Variants in FHIT observed in about 807,000 individuals in gnomAD.
The protein encoded by FHIT is fragile histidine triad diadenosine triphosphatase.
In FHIT, 19 loss-of-function variants were observed where a neutral mutation model predicts 17.9. That is an observed-to-expected ratio of 1.06 (90% CI 0.74 to 1.56). The LOEUF (loss-of-function observed/expected upper bound fraction) is 1.56. Among genes scored for constraint, FHIT ranks in the 40% most tolerant of loss-of-function variants. The pLI is 0.00. For missense variants in FHIT, 248 were observed against 189.2 expected (o/e 1.31, Z -1.82); for synonymous variants, 81 against 69.7 (o/e 1.16, Z -0.81).
intron 2 of FHIT, among the ~76,000 whole-genome samples, chr3:61,195,798 A>G (rs1362860804): frequency 2.0e-5 from 3 of 152,174 alleles, no homozygotes; most frequent in African/African-American, 7.2e-5. Flanking sequence ...TTAAGTCTCA[A>G]TTTCTACAAC....
chr3:60,424,737 A>C (rs1702601282), intron 5 of FHIT, among the ~76,000 whole-genome samples: 1 of 152,164 alleles, frequency 6.6e-6, no homozygotes, highest in African/African-American at 2.4e-5. Context: ...AAGTGCTTTG[A>C]AGAAGAACAT....
chr3:60,538,983 C>G (rs2036086139), intron 4 of FHIT, among the ~76,000 whole-genome samples: 1 of 152,050 alleles, frequency 6.6e-6, no homozygotes, highest in African/African-American at 2.4e-5. Context: ...GCAAAAGAAT[C>G]TACCATCAGA....
chr3:60,323,291 A>C (rs1709517613), intron 5 of FHIT, among the ~76,000 whole-genome samples: 1 of 152,122 alleles, frequency 6.6e-6, no homozygotes. Context: ...TAAGTGCTTG[A>C]CTAAATTTTC....
chr3:59,960,848 T>C (rs1189116347), intron 7 of FHIT, among the ~76,000 whole-genome samples: 2 of 152,152 alleles, frequency 1.3e-5, no homozygotes, highest in East Asian at 1.9e-4. Flanking sequence ...CCAACTTTTG[T>C]AGAATGAGGA....
At chr3:60,894,848 C>T (rs1375402051) in intron 3 of FHIT, among the ~76,000 whole-genome samples, 10 of 152,112 alleles carry the variant, frequency 6.6e-5, no homozygotes, top group African/African-American at 2.4e-4. Flanking sequence ...TCCTCTGCTC[C>T]CCTTCCCTCA....
At chr3:61,234,174 G>A (rs2040171951) in intron 1 of FHIT, among the ~76,000 whole-genome samples, 1 of 152,128 alleles carries the variant, frequency 6.6e-6, no homozygotes. Context: ...CCCAGGAGAA[G>A]CTGTTAGTGA....
intron 2 of FHIT, among the ~76,000 whole-genome samples, chr3:61,118,661 T>C (rs1345168735): frequency 1.3e-5 from 2 of 152,176 alleles, no homozygotes; most frequent in Non-Finnish European, 2.9e-5. Flanking sequence ...TTTGTAACTT[T>C]GAGCATGTAA....
intron 3 of FHIT, among the ~76,000 whole-genome samples, chr3:60,934,534 C>T (rs1402802364): frequency 6.6e-6 from 1 of 152,168 alleles, no homozygotes; most frequent in African/African-American, 2.4e-5. Flanking sequence ...GCAAGGATGA[C>T]AGTTACAGTG....
At chr3:60,378,013 T>A (rs1156970678) in intron 5 of FHIT, among the ~76,000 whole-genome samples, 1 of 152,008 alleles carries the variant, frequency 6.6e-6, no homozygotes, top group Admixed American at 6.5e-5. Context: ...TGTGAGAGAC[T>A]ATTATTTTGT....
intron 4 of FHIT, among the ~76,000 whole-genome samples, chr3:60,598,615 G>A (rs2038345217): frequency 6.6e-6 from 1 of 152,134 alleles, no homozygotes; most frequent in Non-Finnish European, 1.5e-5. Context: ...CTGCTAGCAA[G>A]TAATAAAGAT....
chr3:60,601,650 C>A (rs1165616811), intron 4 of FHIT, among the ~76,000 whole-genome samples: 1 of 152,024 alleles, frequency 6.6e-6, no homozygotes, highest in Non-Finnish European at 1.5e-5. Context: ...AACTTACTAC[C>A]TGAATGAGGA....
rs1331446482 is a variant in FHIT at position 60,280,562 on chromosome 3, ACT to A, written c.103+256296_103+256297del. Among the ~76,000 whole-genome samples, 5 of 152,264 alleles carry A rather than the reference ACT, an allele frequency of 3.3e-5. No homozygotes were observed. In the East Asian group the frequency reaches 7.7e-4, roughly 24 times the overall value. On this transcript the variant is annotated intron_variant, in intron 5 of 9. Transcript: ENST00000492590. ...CAGTGTGACCAGGAACACAGAGATC[ACT>A]GTCACACCCACACCCACAACCCAAA...
At chr3:60,044,581 TG>T (rs1701574301) in intron 5 of FHIT, among the ~76,000 whole-genome samples, 1 of 152,008 alleles carries the variant, frequency 6.6e-6, no homozygotes, top group African/African-American at 2.4e-5. Context: ...AGAACAACAA[TG>T]ATATCATGGT....
At chr3:61,082,236 T>A (rs2106780538) in intron 2 of FHIT, among the ~76,000 whole-genome samples, 1 of 152,290 alleles carries the variant, frequency 6.6e-6, no homozygotes, top group South Asian at 2.1e-4. Flanking sequence ...TCATATCCCT[T>A]CCCAATTAAT....
At chr3:59,829,409 G>A (rs910520577) in intron 8 of FHIT, among the ~76,000 whole-genome samples, 1 of 152,180 alleles carries the variant, frequency 6.6e-6, no homozygotes, top group Non-Finnish European at 1.5e-5. Flanking sequence ...GAGGATGTGA[G>A]AGCCCAGGGA....
At chr3:59,775,862 T>G (rs1339915676) in intron 8 of FHIT, among the ~76,000 whole-genome samples, 1 of 152,158 alleles carries the variant, frequency 6.6e-6, no homozygotes, top group Non-Finnish European at 1.5e-5. Context: ...ATAAATCTAA[T>G]TAGTTTGGGG....
At chr3:60,899,986 A>G (rs1327127715) in intron 3 of FHIT, among the ~76,000 whole-genome samples, 1 of 152,152 alleles carries the variant, frequency 6.6e-6, no homozygotes, top group Non-Finnish European at 1.5e-5. Flanking sequence ...TCCCCCACTC[A>G]TTGGGCCCCA....
intron 5 of FHIT, among the ~76,000 whole-genome samples, chr3:60,344,964 T>C (rs1710702460): frequency 6.6e-6 from 1 of 152,110 alleles, no homozygotes; most frequent in African/African-American, 2.4e-5. Flanking sequence ...TCAAAACAAA[T>C]CCCAGATGTT....
At chr3:60,827,489 C>G (rs1419045721) in intron 3 of FHIT, among the ~76,000 whole-genome samples, 1 of 152,130 alleles carries the variant, frequency 6.6e-6, no homozygotes, top group Non-Finnish European at 1.5e-5. Context: ...GAATAAGTTA[C>G]CAATGTAAAT....
Sources: gnomAD v4.1 joint callset for allele counts (sites outside exome capture counted in the v4.1 genomes callset) on GRCh38, gnomAD v4.1.1 for gene constraint, MANE v1.5 for transcripts, NCBI Gene and HGNC (gene_info 2026-07-23, HGNC 2026-07-21) for gene names.